LRFN5: variants seen among roughly 807,000 people sequenced by gnomAD.
LRFN5 encodes the protein leucine rich repeat and fibronectin type III domain containing 5.
LRFN5 carries 24 observed loss-of-function variants against 45.6 expected under a neutral mutation model. The observed-to-expected ratio is 0.53, with a 90% confidence interval of 0.38 to 0.74. The LOEUF (loss-of-function observed/expected upper bound fraction) is 0.74, where lower values mean the gene tolerates loss of function less well. LRFN5 is among the 30% of genes least tolerant of loss of function. LRFN5 has a pLI of 0.00. For synonymous variants in LRFN5, 340 were observed against 313.8 expected, an observed-to-expected ratio of 1.08 and a Z score of -0.88; for missense variants, 776 against 861.5, an observed-to-expected ratio of 0.90 and a Z score of 1.24.
intron 1 of LRFN5, among the ~76,000 whole-genome samples, chr14:41,750,806 A>G (rs572525967): frequency 6.6e-6 from 1 of 152,114 alleles, no homozygotes; most frequent in Non-Finnish European, 1.5e-5. Flanking sequence ...GAGAGCACAC[A>G]GGGGAAACTG....
chr14:41,875,012 C>T (rs2139125893), intron 2 of LRFN5, among the ~76,000 whole-genome samples: 1 of 152,308 alleles, frequency 6.6e-6, no homozygotes, highest in South Asian at 2.1e-4. Flanking sequence ...AACTGGGTCC[C>T]TCCCATGACA....
intron 1 of LRFN5, among the ~76,000 whole-genome samples, chr14:41,740,697 A>C (rs1005900861): frequency 6.6e-6 from 1 of 151,924 alleles, no homozygotes; most frequent in Non-Finnish European, 1.5e-5. Flanking sequence ...TGGAAGTCCT[A>C]GCTAGAACAA....
intron 2 of LRFN5, among the ~76,000 whole-genome samples, chr14:41,863,004 A>G (rs1889719676): frequency 6.6e-6 from 1 of 151,658 alleles, no homozygotes; most frequent in Non-Finnish European, 1.5e-5. Context: ...AGGTGGGACT[A>G]CAGGCGCCCG....
chr14:41,775,093 C>CTTTTTTCTT lies in LRFN5; in HGVS notation c.-21+8070_-21+8071insCTTTTTTTT, dbSNP rs1555316715. ...AGATTTGATGCTACTTTTTCTTTTT[C>CTTTTTTCTT]TTTTTTTTTTTTTTTGAGACGGAGT... On this transcript the variant is annotated intron_variant, in intron 2 of 5. Transcript: ENST00000298119. Among the ~76,000 whole-genome samples, 25 of 112,484 alleles carry CTTTTTTCTT rather than the reference C, an allele frequency of 2.2e-4. 1 individual carries two copies. Among genetic ancestry groups the CTTTTTTCTT allele is most frequent in the South Asian group, 8.9e-4 (3 of 3,356 alleles). The allele number at this position is 112,484 out of a possible 152,430, so 73.8% of individuals were successfully genotyped here. A position where few individuals can be genotyped will look rare whatever the true frequency, so the allele number is the denominator to read the frequency against.
chr14:41,809,466 A>G (rs1427766542), intron 2 of LRFN5, among the ~76,000 whole-genome samples: 1 of 151,968 alleles, frequency 6.6e-6, no homozygotes, highest in Non-Finnish European at 1.5e-5. Context: ...CAATCATTAC[A>G]TTTCTCCAAG....
chr14:41,882,285 C>G (rs1291971827), intron 2 of LRFN5, among the ~76,000 whole-genome samples: 1 of 151,884 alleles, frequency 6.6e-6, no homozygotes, highest in Non-Finnish European at 1.5e-5. Flanking sequence ...GTGGAAATAT[C>G]CTCTAGGAAG....
At chr14:41,746,778 G>T (rs748474509) in intron 1 of LRFN5, among the ~76,000 whole-genome samples, 6 of 152,004 alleles carry the variant, frequency 3.9e-5, no homozygotes, top group Non-Finnish European at 8.8e-5. Context: ...GATCTCAGAT[G>T]ATATGATCTT....
At chr14:41,795,524 C>T (rs1335661983) in intron 2 of LRFN5, among the ~76,000 whole-genome samples, 1 of 152,094 alleles carries the variant, frequency 6.6e-6, no homozygotes, top group African/African-American at 2.4e-5. Context: ...TTGGAACCAA[C>T]CCAAATGTCC....
chr14:41,724,841 C>G (rs1271394508), intron 1 of LRFN5, among the ~76,000 whole-genome samples: 2 of 152,120 alleles, frequency 1.3e-5, no homozygotes, highest in Non-Finnish European at 2.9e-5. Context: ...TAATAAAAGT[C>G]TCATTTATTT....
chr14:41,750,002 T>A (rs1885063607), intron 1 of LRFN5, among the ~76,000 whole-genome samples: 1 of 152,076 alleles, frequency 6.6e-6, no homozygotes, highest in Admixed American at 6.6e-5. Context: ...ATTTTGAAAC[T>A]GTCTCTCTAA....
intron 2 of LRFN5, among the ~76,000 whole-genome samples, chr14:41,856,676 T>TTATTATTATTTTTTTA (rs556475186): frequency 1.4e-4 from 1 of 6,986 alleles, no homozygotes; most frequent in Non-Finnish European, 5.8e-4. Context: ...ATTATTATTA[T>TTATTATTATTTTTTTA]TTTTTTTTTT....
intron 2 of LRFN5, among the ~76,000 whole-genome samples, chr14:41,812,466 G>C (rs1348097456): frequency 6.6e-6 from 1 of 151,552 alleles, no homozygotes; most frequent in East Asian, 1.9e-4. Context: ...ACCTTCTGGG[G>C]GTACTGATTC....
chr14:41,722,335 G>A (rs768542210), intron 1 of LRFN5, among the ~76,000 whole-genome samples: 1 of 151,988 alleles, frequency 6.6e-6, no homozygotes, highest in South Asian at 2.1e-4. Flanking sequence ...TGCAATCCAT[G>A]CTTTTGAATT....
intron 1 of LRFN5, among the ~76,000 whole-genome samples, chr14:41,749,082 C>T (rs528127060): frequency 6.6e-6 from 1 of 152,178 alleles, no homozygotes; most frequent in South Asian, 2.1e-4. Flanking sequence ...GTTATGATAA[C>T]TTGGCCACTC....
intron 1 of LRFN5, among the ~76,000 whole-genome samples, chr14:41,649,380 G>A (rs1309894447): frequency 6.6e-6 from 1 of 151,980 alleles, no homozygotes; most frequent in Non-Finnish European, 1.5e-5. Context: ...AAGCACTTGA[G>A]TAAATATATT....
chr14:41,754,718 T>C (rs1885296631), intron 1 of LRFN5, among the ~76,000 whole-genome samples: 1 of 152,164 alleles, frequency 6.6e-6, no homozygotes, highest in South Asian at 2.1e-4. Flanking sequence ...AAAAACCGGC[T>C]CCTGGATTCA....
intron 1 of LRFN5, among the ~76,000 whole-genome samples, chr14:41,710,622 A>T: frequency 6.6e-6 from 1 of 152,100 alleles, no homozygotes; most frequent in Admixed American, 6.6e-5. Flanking sequence ...TTTTATTTTT[A>T]AATTTTTTAA....
At chr14:41,876,184 T>C (rs534070751) in intron 2 of LRFN5, among the ~76,000 whole-genome samples, 147 of 152,224 alleles carry the variant, frequency 9.7e-4, no homozygotes, top group African/African-American at 3.4e-3. Context: ...CGTAATATAA[T>C]TGTTCTCTAT....
intron 2 of LRFN5, among the ~76,000 whole-genome samples, chr14:41,877,478 A>G (rs1890225065): frequency 6.6e-6 from 1 of 152,188 alleles, no homozygotes; most frequent in African/African-American, 2.4e-5. Context: ...TAAAGAAATT[A>G]CTACTTATTT....
Sources: allele counts gnomAD v4.1 joint callset (sites outside exome capture counted in the v4.1 genomes callset), GRCh38; gene constraint gnomAD v4.1.1; transcripts MANE v1.5; gene names NCBI Gene and HGNC (gene_info 2026-07-23, HGNC 2026-07-21).